KCNT1: variants seen among roughly 807,000 people sequenced by gnomAD.
KCNT1 encodes potassium sodium-activated channel subfamily T member 1, also known as potassium channel subfamily T member 1.
Under a neutral mutation model 147.8 loss-of-function variants are expected in KCNT1, and 78 were observed. That is an observed-to-expected ratio of 0.53 (90% CI 0.44 to 0.64). KCNT1 has a LOEUF of 0.64. KCNT1 is among the 30% of genes least tolerant of loss of function. The pLI, the probability that KCNT1 is intolerant of heterozygous loss-of-function variation, is 0.00. For missense variants in KCNT1, 1,419 were observed against 1,750.3 expected (o/e 0.81, Z 3.38); for synonymous variants, 867 against 748.8 (o/e 1.16, Z -2.58).
chr9:135,711,320 G>C (rs927335841), intron 1 of KCNT1, among the ~76,000 whole-genome samples: 46 of 152,160 alleles, frequency 3.0e-4, no homozygotes, highest in African/African-American at 9.4e-4. Flanking sequence ...GTGAGAAGCA[G>C]GCACTCCTGG....
At position 135,755,162 on chromosome 9, in the gene KCNT1, C is replaced by T. The variant is rs141961737; in HGVS notation, c.533C>T (p.Ala178Val). Reference protein sequence around the residue: ...LWVERKMTLWAIQVIVAIISF... With the variant: ...LWVERKMTLWVIQVIVAIISF... ...GTGGAGAGAAAGATGACACTGTGGG[C>T]GATCCAGGTGAGTGCCCTACCCTGC... Residue 178 changes from alanine (A) to valine (V), a missense_variant, in exon 6 of 31, where the codon GCG becomes GTG. Physicochemically the swap from Ala to Val is moderately conservative, Grantham distance 64. Around this residue, in one of 5 missense-constraint regions of KCNT1, gnomAD observed 401 missense variants for 610.6 expected, o/e 0.66. Transcript: ENST00000371757. The T allele has an allele frequency of 1.6e-4, 254 of 1,611,296 alleles. No individual in the cohort carries two copies. Among genetic ancestry groups the T allele is most frequent in the South Asian group, 1.2e-3 (106 of 90,770 alleles).
intron 28 of KCNT1, 36 bp from the exon 29 acceptor site, chr9:135,786,161 A>T: frequency 6.5e-7 from 1 of 1,542,100 alleles, no homozygotes; most frequent in Non-Finnish European, 8.7e-7. Context: ...CGGCAGCCTC[A>T]CCCCTCCCCG....
At chr9:135,787,917 G>A (rs1407294859) in intron 29 of KCNT1, among the ~76,000 whole-genome samples, 1 of 152,178 alleles carries the variant, frequency 6.6e-6, no homozygotes, top group African/African-American at 2.4e-5. Context: ...TGCGACCGCT[G>A]CCTGCCCCCA....
At position 135,752,807 on chromosome 9, in the gene KCNT1, G is replaced by A. The variant is rs1831259742; in HGVS notation, c.435-1130G>A. ...ATGGATGGATGGATGGATGGATGATGCGTGGATGGGTGGAGGGATGGATGT... is the reference window on the plus strand; with the variant it reads ...ATGGATGGATGGATGGATGGATGATACGTGGATGGGTGGAGGGATGGATGT... On this transcript the variant is annotated intron_variant, in intron 4 of 30. Coordinates refer to ENST00000371757, the MANE Select transcript of KCNT1 (RefSeq NM_020822.3). This position sits in a 1 kb window ranked among gnomAD's most constrained non-coding sequence, Gnocchi z 5.1. 1.3e-5 allele frequency among the ~76,000 whole-genome samples: 2 copies of A among 148,710 alleles called. No homozygotes were observed. Among genetic ancestry groups the A allele is most frequent in the Admixed American group, 6.7e-5 (1 of 14,984 alleles).
rs12379077 is a variant in KCNT1 at position 135,773,127 on chromosome 9, G to A, written c.2243+178G>A. Among the ~76,000 whole-genome samples, 103,226 of 152,106 alleles carry A rather than the reference G, an allele frequency of 0.68. 35,406 individuals are homozygous for A. The highest frequency in any genetic ancestry group is 0.72 in the African/African-American group (29,767 of 41,502). On this transcript the variant is annotated intron_variant, in intron 19 of 30. Coordinates refer to ENST00000371757, the MANE Select transcript of KCNT1 (RefSeq NM_020822.3). ...TCAGGGGGCCCAACACAGACATCAG[G>A]GCCACATCACCCTCGTCGCCGGGGA...
intron 5 of KCNT1, 140 bp from the exon 6 acceptor site, chr9:135,754,981 T>C (rs536679854): frequency 3.1e-6 from 2 of 643,406 alleles, no homozygotes; most frequent in African/African-American, 1.9e-5. Flanking sequence ...AAAGGCAAGG[T>C]AGGCTCCTTT....
rs932151978 is a variant in KCNT1 at position 135,752,553 on chromosome 9, C to T, written c.435-1384C>T. The T allele has an allele frequency of 1.2e-5, 5 of 409,230 alleles. No individual in the cohort carries two copies. The highest frequency in any genetic ancestry group is 6.2e-5 in the African/African-American group (3 of 48,400). 25.3% of individuals were successfully genotyped at this position (409,230 alleles called of 1,614,324 possible). ...GTTGTGTTCACTGCCCGTCCCCTAG[C>T]ACAGCGTCCAGGACATGGATGGGGG... On this transcript the variant is annotated intron_variant, in intron 4 of 30. Transcript: ENST00000371757. This position sits in a 1 kb window ranked among gnomAD's most constrained non-coding sequence, Gnocchi z 5.1.
At chr9:135,745,195 T>A (rs1319866413) in intron 2 of KCNT1, among the ~76,000 whole-genome samples, 1 of 152,098 alleles carries the variant, frequency 6.6e-6, no homozygotes, top group South Asian at 2.1e-4. Context: ...AGGAAGTAGA[T>A]TCTTCTGCCC....
chr9:135,750,661 C>CCCTAT, intron 3 of KCNT1: 1 of 548,920 alleles, frequency 1.8e-6, no homozygotes, highest in Non-Finnish European at 3.3e-6. Context: ...GCTCCCCAAT[C>CCCTAT]CCTATCCTGT....
intron 29 of KCNT1, among the ~76,000 whole-genome samples, 175 bp downstream of exon 29, chr9:135,786,696 G>C (rs543835572): frequency 6.6e-6 from 1 of 152,258 alleles, no homozygotes; most frequent in Non-Finnish European, 1.5e-5. Context: ...GGGGCCAGCT[G>C]TGGGCACCAC....
intron 29 of KCNT1, 32 bp from the exon 30 acceptor site, chr9:135,791,765 G>A (rs377341028): frequency 8.1e-6 from 13 of 1,596,624 alleles, no homozygotes; most frequent in East Asian, 2.2e-5. Flanking sequence ...AGGGCTGGGG[G>A]GGTGACGTCT....
chr9:135,751,145 C>CA, intron 4 of KCNT1, 104 bp downstream of exon 4: 1 of 1,094,694 alleles, frequency 9.1e-7, no homozygotes, highest in Non-Finnish European at 1.4e-6. Flanking sequence ...AGCCCCTGTG[C>CA]CTGGGGCCTT....
At chr9:135,791,248 G>T (rs11103191) in intron 29 of KCNT1, 22,121 of 154,040 alleles carry the variant, frequency 0.14, 1,715 homozygotes, top group South Asian at 0.24. Flanking sequence ...CGGGGGTGGG[G>T]GTGTGTGGAT....
chr9:135,784,512 TCC>T (rs750771056), intron 25 of KCNT1, 21 bp from the exon 26 acceptor site: 16 of 170,176 alleles, frequency 9.4e-5, no homozygotes, highest in Admixed American at 4.1e-4. Flanking sequence ...CCTCCCTCCC[TCC>T]CTCCCTCCCT....
intron 1 of KCNT1, among the ~76,000 whole-genome samples, chr9:135,709,684 G>T (rs747298921): frequency 6.6e-5 from 10 of 152,048 alleles, no homozygotes; most frequent in Non-Finnish European, 1.2e-4. Flanking sequence ...CATCCTTTGA[G>T]TCGTTTTCTT....
chr9:135,763,793 T>C (rs80257225), intron 11 of KCNT1, among the ~76,000 whole-genome samples: 338 of 152,260 alleles, frequency 2.2e-3, no homozygotes, highest in Non-Finnish European at 4.1e-3. Flanking sequence ...ATAGGACTTT[T>C]AGGGTCACTA....
At chr9:135,785,239 C>T in intron 27 of KCNT1, 71 bp from the exon 28 acceptor site, 1 of 1,596,906 alleles carries the variant, frequency 6.3e-7, no homozygotes, top group South Asian at 1.1e-5. Context: ...TCCGTGCAGA[C>T]CCCAGGCTGA....
chr9:135,763,441 C>T (rs554936853), intron 11 of KCNT1, among the ~76,000 whole-genome samples: 1 of 152,214 alleles, frequency 6.6e-6, no homozygotes. Context: ...CCAGGCTCTT[C>T]GATCAGCAAG....
chr9:135,718,132 C>G (rs902705482), intron 2 of KCNT1, among the ~76,000 whole-genome samples: 1 of 152,208 alleles, frequency 6.6e-6, no homozygotes, highest in African/African-American at 2.4e-5. Flanking sequence ...CCTCTATCTG[C>G]CATTAGAAGC....
Sources: allele counts gnomAD v4.1 joint callset (sites outside exome capture counted in the v4.1 genomes callset), GRCh38; gene constraint gnomAD v4.1.1; regional missense constraint gnomAD v4.1.1; non-coding constraint Gnocchi (gnomAD v3.1); transcripts MANE v1.5; gene names NCBI Gene and HGNC (gene_info 2026-07-23, HGNC 2026-07-21).